RTN3: variants seen among roughly 807,000 people sequenced by gnomAD.
The protein encoded by RTN3 is reticulon-3.
RTN3 carries 49 observed loss-of-function variants against 77.8 expected under a neutral mutation model. That is an observed-to-expected ratio of 0.63 (90% CI 0.50 to 0.80). The LOEUF (loss-of-function observed/expected upper bound fraction) is 0.80, where lower values mean the gene tolerates loss of function less well. Among genes scored for constraint, RTN3 ranks in the 30% least tolerant of loss-of-function variants. RTN3 has a pLI of 0.00. For synonymous variants in RTN3, 464 were observed against 446.9 expected, an observed-to-expected ratio of 1.04 and a Z score of -0.48; for missense variants, 1,236 against 1,211.9, an observed-to-expected ratio of 1.02 and a Z score of -0.29.
chr11:63,729,082 C>A lies in RTN3; in HGVS notation c.2530+8050C>A, dbSNP rs948557435. On this transcript the variant is annotated intron_variant, in intron 3 of 8. Transcript: ENST00000377819. ...GTTTCTGTATTCAGGAAAAAAACAA[C>A]AAAAAAAACAAAAAAACTGCAAGAT... Among the ~76,000 whole-genome samples the A allele has an allele frequency of 1.5e-4, 22 of 150,148 alleles. 3 individuals are homozygous for A. The highest frequency in any genetic ancestry group is 3.4e-3 in the Middle Eastern group (1 of 292).
chr11:63,691,334 T>C (rs1172667441), intron 1 of RTN3, among the ~76,000 whole-genome samples: 2 of 152,088 alleles, frequency 1.3e-5, no homozygotes, highest in Non-Finnish European at 2.9e-5. Context: ...TTGGTCAGGC[T>C]GGTCTTGAAC....
At chr11:63,713,615 C>T (rs951501619) in intron 2 of RTN3, among the ~76,000 whole-genome samples, 1 of 152,030 alleles carries the variant, frequency 6.6e-6, no homozygotes, top group Non-Finnish European at 1.5e-5. Context: ...TCAGCTGATT[C>T]CCTTTTTAGT....
intron 3 of RTN3, among the ~76,000 whole-genome samples, chr11:63,734,777 A>ACC (rs1555077873): frequency 1.5e-4 from 18 of 118,912 alleles, no homozygotes; most frequent in Non-Finnish European, 2.1e-4. Flanking sequence ...ACACACACAC[A>ACC]CACACCATAC....
At chr11:63,721,993 C>T (rs2011850316) in intron 3 of RTN3, among the ~76,000 whole-genome samples, 1 of 152,052 alleles carries the variant, frequency 6.6e-6, no homozygotes. Context: ...TTAGATGGTA[C>T]CAGAAACCCC....
chr11:63,692,407 G>A lies in RTN3; in HGVS notation c.142+10629G>A, dbSNP rs140663007. Among the ~76,000 whole-genome samples the A allele has an allele frequency of 7.9e-3, 1,196 of 152,024 alleles. 16 individuals are homozygous for A. Among genetic ancestry groups the A allele is most frequent in the African/African-American group, 0.027 (1,100 of 41,460 alleles). ...CTGCCTAGAATGCTCTTCTCTCATTGCAGTAGACTCAATGTTTATGTCCCC... is the reference window on the plus strand; with the variant it reads ...CTGCCTAGAATGCTCTTCTCTCATTACAGTAGACTCAATGTTTATGTCCCC... On this transcript the variant is annotated intron_variant, in intron 1 of 8. Coordinates refer to ENST00000377819, the MANE Select transcript of RTN3 (RefSeq NM_001265589.2).
At chr11:63,697,469 C>CGTTATT (rs146073922) in intron 1 of RTN3, among the ~76,000 whole-genome samples, 1 of 146,908 alleles carries the variant, frequency 6.8e-6, no homozygotes, top group Non-Finnish European at 1.5e-5. Context: ...ACACCCAGCT[C>CGTTATT]ATTATTATTA....
rs146666855 is a variant in RTN3 at position 63,756,138 on chromosome 11, C to T, written c.3021C>T (p.Ile1007=). ...YKTQIDHYVG[I]ARDQTKSIVE... Reference sequence around the variant, plus strand: ...CCCAGATTGATCACTATGTTGGCATCGCCCGAGATCAGACCAAGTCAATTG... The same window carrying T: ...CCCAGATTGATCACTATGTTGGCATTGCCCGAGATCAGACCAAGTCAATTG... The change falls in exon 8 of 9, where the codon ATC becomes ATT. Residue 1007 remains isoleucine, a synonymous_variant. Coordinates refer to ENST00000377819, the MANE Select transcript of RTN3 (RefSeq NM_001265589.2). 20 of 1,613,074 alleles carry T rather than the reference C, an allele frequency of 1.2e-5. No individual in the cohort carries two copies. Among genetic ancestry groups the T allele is most frequent in the African/African-American group, 8.0e-5 (6 of 74,870 alleles).
chr11:63,758,323 T>A lies in RTN3; in HGVS notation c.*122T>A. ...TGAGCCTGCATTCCAAGCTTTTTTT[T>A]TAATTTGGTGTTTTCTCCCATCCTT... On this transcript the variant is annotated 3_prime_UTR_variant, in exon 9 of 9. Transcript: ENST00000377819. The A allele has an allele frequency of 6.2e-7, 1 of 1,612,874 alleles. No individual in the cohort carries two copies. Among genetic ancestry groups the A allele is most frequent in the Non-Finnish European group, 8.5e-7 (1 of 1,179,836 alleles).
intron 3 of RTN3, among the ~76,000 whole-genome samples, chr11:63,728,899 AAAAG>A (rs1260219310): frequency 1.2e-4 from 18 of 147,764 alleles, no homozygotes; most frequent in African/African-American, 4.2e-4. Flanking sequence ...AAAAAAAAAA[AAAAG>A]AAAAAAGAAA....
At chr11:63,695,874 G>T (rs773764171) in intron 1 of RTN3, among the ~76,000 whole-genome samples, 6 of 152,018 alleles carry the variant, frequency 3.9e-5, no homozygotes, top group Non-Finnish European at 8.8e-5. Flanking sequence ...AATTAAAGGG[G>T]ATCAAGAAAG....
rs2012270409 is a variant in RTN3 at position 63,726,458 on chromosome 11, A to G, written c.2530+5426A>G. On this transcript the variant is annotated intron_variant, in intron 3 of 8. Transcript: ENST00000377819. ...GAGGAATCTTGGAAGGGAGAGATCC[A>G]GAGAGTGACAGCCTAAAATTCTGTA... 3.3e-5 allele frequency among the ~76,000 whole-genome samples: 5 copies of G among 152,238 alleles called. No homozygotes were observed. The South Asian group carries it at 1.0e-3, about 31-fold the overall frequency.
At chr11:63,707,965 T>G (rs1057500938) in intron 2 of RTN3, among the ~76,000 whole-genome samples, 3 of 152,162 alleles carry the variant, frequency 2.0e-5, no homozygotes, top group Non-Finnish European at 4.4e-5. Context: ...GGGCCCTACG[T>G]CATTGGCAGT....
At chr11:63,696,033 A>G (rs532158842) in intron 1 of RTN3, among the ~76,000 whole-genome samples, 1 of 151,114 alleles carries the variant, frequency 6.6e-6, no homozygotes, top group Non-Finnish European at 1.5e-5. Context: ...GACTTATCCT[A>G]TTGTTTGGAT....
intron 4 of RTN3, 100 bp downstream of exon 4, chr11:63,750,298 T>C (rs994159452): frequency 2.1e-5 from 20 of 957,294 alleles, no homozygotes; most frequent in Admixed American, 6.7e-5. Context: ...TCAAGAATTA[T>C]GGGGCCTAAT....
intron 7 of RTN3, among the ~76,000 whole-genome samples, chr11:63,754,302 C>A (rs2014251639): frequency 6.6e-6 from 1 of 152,252 alleles, no homozygotes; most frequent in African/African-American, 2.4e-5. Flanking sequence ...GCCTATAATC[C>A]TAACACTTTG....
chr11:63,738,524 C>T (rs2135000833), intron 3 of RTN3, among the ~76,000 whole-genome samples: 1 of 151,924 alleles, frequency 6.6e-6, no homozygotes, highest in East Asian at 1.9e-4. Context: ...TACCTGTAGT[C>T]CCATCTACTT....
At chr11:63,736,112 C>T (rs1409582661) in intron 3 of RTN3, among the ~76,000 whole-genome samples, 1 of 152,144 alleles carries the variant, frequency 6.6e-6, no homozygotes, top group African/African-American at 2.4e-5. Flanking sequence ...ACTCAGGGAC[C>T]TCTTTCTTTC....
chr11:63,681,861 A>G (rs1590759985), intron 1 of RTN3, 83 bp downstream of exon 1: 7 of 1,383,504 alleles, frequency 5.1e-6, no homozygotes, highest in Admixed American at 2.9e-5. Flanking sequence ...GCGAGGCGGG[A>G]GGAGGACGAA....
chr11:63,681,906 G>A lies in RTN3; in HGVS notation c.142+128G>A, dbSNP rs1941074976. 6 of 1,043,336 alleles carry A rather than the reference G, an allele frequency of 5.8e-6. No individual in the cohort carries two copies. The South Asian group carries it at 1.1e-4, about 18-fold the overall frequency. 64.6% of individuals were successfully genotyped at this position (1,043,336 alleles called of 1,614,324 possible). ...ACTACTGACGGCTTCAGCCCCCCGG[G>A]GACGAGCGTTTGGAAAATGGGCAAA... On this transcript the variant is annotated intron_variant, in intron 1 of 8. Transcript: ENST00000377819.
Sources: allele counts gnomAD v4.1 joint callset (sites outside exome capture counted in the v4.1 genomes callset), GRCh38; gene constraint gnomAD v4.1.1; transcripts MANE v1.5; gene names NCBI Gene and HGNC (gene_info 2026-07-23, HGNC 2026-07-21).